Variants in CCSER1 observed in about 807,000 individuals in gnomAD.
CCSER1 encodes coiled-coil serine rich protein 1.
In CCSER1, 41 loss-of-function variants were observed where a neutral mutation model predicts 82.0. That is an observed-to-expected ratio of 0.50 (90% CI 0.39 to 0.65). The LOEUF (loss-of-function observed/expected upper bound fraction) is 0.65, where lower values mean the gene tolerates loss of function less well. Among genes scored for constraint, CCSER1 ranks in the 30% least tolerant of loss-of-function variants. The pLI, the probability that CCSER1 is intolerant of heterozygous loss-of-function variation, is 0.00. For missense variants in CCSER1, 1,119 were observed against 1,064.2 expected (o/e 1.05, Z -0.72); for synonymous variants, 414 against 383.9 (o/e 1.08, Z -0.92).
intron 9 of CCSER1, among the ~76,000 whole-genome samples, chr4:90,937,480 A>AACACACAC (rs148799317): frequency 0.017 from 2,519 of 146,126 alleles, 14 homozygotes; most frequent in Non-Finnish European, 0.024. Context: ...TCTAATTTGA[A>AACACACAC]ACACACACAC....
intron 1 of CCSER1, among the ~76,000 whole-genome samples, chr4:90,288,412 A>G (rs945010917): frequency 1.3e-5 from 2 of 151,880 alleles, no homozygotes; most frequent in African/African-American, 4.8e-5. Context: ...ATCTCATTAC[A>G]GTAATTATTT....
chr4:90,981,071 A>G (rs1736070936), intron 9 of CCSER1, among the ~76,000 whole-genome samples: 1 of 151,744 alleles, frequency 6.6e-6, no homozygotes, highest in South Asian at 2.1e-4. Context: ...CCCTCAAACA[A>G]TTACAGAAGT....
intron 6 of CCSER1, among the ~76,000 whole-genome samples, chr4:90,635,507 C>T (rs1366879709): frequency 2.6e-5 from 4 of 151,454 alleles, no homozygotes; most frequent in African/African-American, 9.7e-5. Context: ...TAAATGTTTC[C>T]AATGAGATGA....
At chr4:90,598,226 C>G (rs1783580950) in intron 5 of CCSER1, among the ~76,000 whole-genome samples, 1 of 151,884 alleles carries the variant, frequency 6.6e-6, no homozygotes, top group East Asian at 1.9e-4. Flanking sequence ...TCTGTTTTTC[C>G]TAATGGCTGC....
At chr4:91,270,251 T>C (rs1030132908) in intron 10 of CCSER1, among the ~76,000 whole-genome samples, 2 of 152,176 alleles carry the variant, frequency 1.3e-5, no homozygotes, top group African/African-American at 4.8e-5. Context: ...AGGGAATAAG[T>C]GCTGAATTCT....
At chr4:91,058,776 T>G (rs1268285091) in intron 9 of CCSER1, among the ~76,000 whole-genome samples, 3 of 152,090 alleles carry the variant, frequency 2.0e-5, no homozygotes, top group African/African-American at 7.2e-5. Flanking sequence ...ATGTAATAGA[T>G]AAGAAAACTG....
chr4:90,466,572 T>C (rs1425810686), intron 4 of CCSER1, among the ~76,000 whole-genome samples: 1 of 152,240 alleles, frequency 6.6e-6, no homozygotes, highest in Non-Finnish European at 1.5e-5. Flanking sequence ...GTTGAGCCCA[T>C]CTGGACTTCT....
At chr4:90,374,471 G>A (rs938068256) in intron 3 of CCSER1, among the ~76,000 whole-genome samples, 8 of 152,176 alleles carry the variant, frequency 5.3e-5, no homozygotes, top group Non-Finnish European at 1.2e-4. Context: ...TTGCAGTGGA[G>A]CAAGGAATCT....
chr4:90,562,304 G>A (rs954170170), intron 5 of CCSER1, among the ~76,000 whole-genome samples: 1 of 151,612 alleles, frequency 6.6e-6, no homozygotes, highest in African/African-American at 2.4e-5. Flanking sequence ...TTAGTCATTA[G>A]TAGACTCTGA....
At chr4:90,227,629 C>T (rs1578606221) in intron 1 of CCSER1, among the ~76,000 whole-genome samples, 1 of 152,048 alleles carries the variant, frequency 6.6e-6, no homozygotes, top group East Asian at 1.9e-4. Flanking sequence ...CCAAGATGGC[C>T]GAATAGGAAC....
chr4:90,760,981 G>C (rs1242897923), intron 7 of CCSER1, among the ~76,000 whole-genome samples: 3 of 152,182 alleles, frequency 2.0e-5, no homozygotes, highest in Non-Finnish European at 4.4e-5. Flanking sequence ...CCTGAGAAAA[G>C]TGGTATTTAA....
chr4:90,241,121 G>A (rs767899870), intron 1 of CCSER1, among the ~76,000 whole-genome samples: 8 of 152,172 alleles, frequency 5.3e-5, no homozygotes, highest in Non-Finnish European at 1.2e-4. Flanking sequence ...ATTGATGATA[G>A]GGCACTAAGG....
chr4:90,847,478 G>A (rs1763359098), intron 8 of CCSER1, among the ~76,000 whole-genome samples: 1 of 152,048 alleles, frequency 6.6e-6, no homozygotes, highest in Non-Finnish European at 1.5e-5. Context: ...GAACTTTTAT[G>A]ATTTCATTTC....
At chr4:91,072,348 A>C (rs1396662006) in intron 9 of CCSER1, among the ~76,000 whole-genome samples, 1 of 152,140 alleles carries the variant, frequency 6.6e-6, no homozygotes, top group Non-Finnish European at 1.5e-5. Flanking sequence ...ATTTTTTCCC[A>C]AGGAATCAGG....
chr4:90,243,805 A>G lies in CCSER1; in HGVS notation c.-41-64439A>G, dbSNP rs575102312. On this transcript the variant is annotated intron_variant, in intron 1 of 10. Coordinates refer to ENST00000509176, the MANE Select transcript of CCSER1 (RefSeq NM_001145065.2). ...TAAATAAGCAGGGTGAATATATTAT[A>G]ATTTTTTAAAAAATTATTACTTCTC... Among the ~76,000 whole-genome samples, 7 of 152,198 alleles carry G rather than the reference A, an allele frequency of 4.6e-5. No individual in the cohort carries two copies. The South Asian group carries it at 1.2e-3, about 27-fold the overall frequency.
intron 10 of CCSER1, among the ~76,000 whole-genome samples, chr4:91,516,787 T>C (rs545444587): frequency 6.6e-6 from 1 of 152,246 alleles, no homozygotes; most frequent in East Asian, 1.9e-4. Flanking sequence ...TCTGTAAATT[T>C]TGGGGAGAAG....
At chr4:91,091,330 G>T (rs1723929131) in intron 10 of CCSER1, among the ~76,000 whole-genome samples, 1 of 152,184 alleles carries the variant, frequency 6.6e-6, no homozygotes, top group South Asian at 2.1e-4. Flanking sequence ...GCACACGTCG[G>T]GCTGGTCACT....
intron 10 of CCSER1, among the ~76,000 whole-genome samples, chr4:91,359,414 T>C (rs1031065263): frequency 6.6e-6 from 1 of 151,834 alleles, no homozygotes; most frequent in African/African-American, 2.4e-5. Context: ...TAAAACAATA[T>C]GAGAGGGTCT....
At chr4:90,764,008 T>C (rs577933133) in intron 7 of CCSER1, among the ~76,000 whole-genome samples, 1 of 152,312 alleles carries the variant, frequency 6.6e-6, no homozygotes, top group South Asian at 2.1e-4. Context: ...AATTCCTTGC[T>C]TAAAATGAGA....
Sources: gnomAD v4.1 joint callset for allele counts (sites outside exome capture counted in the v4.1 genomes callset) on GRCh38, gnomAD v4.1.1 for gene constraint, MANE v1.5 for transcripts, NCBI Gene and HGNC (gene_info 2026-07-23, HGNC 2026-07-21) for gene names.